TMEM132C: variants seen among roughly 807,000 people sequenced by gnomAD.
The protein encoded by TMEM132C is protein phosphatase 1, regulatory subunit 152.
Under a neutral mutation model 61.4 loss-of-function variants are expected in TMEM132C, and 29 were observed. That is an observed-to-expected ratio of 0.47 (90% CI 0.35 to 0.64). The LOEUF is 0.64. TMEM132C is among the 30% of genes least tolerant of loss of function. TMEM132C has a pLI of 0.00. For synonymous variants in TMEM132C, 656 were observed against 633.1 expected (o/e 1.04, Z -0.54); for missense variants, 1,408 against 1,476.9 (o/e 0.95, Z 0.76).
chr12:128,515,614 A>G (rs1310407036), intron 2 of TMEM132C, among the ~76,000 whole-genome samples: 1 of 152,192 alleles, frequency 6.6e-6, no homozygotes, highest in Non-Finnish European at 1.5e-5. Flanking sequence ...CGGGTGGATC[A>G]CGAGGTCAGG....
At chr12:128,371,828 C>T (rs1307036390) in intron 1 of TMEM132C, among the ~76,000 whole-genome samples, 1 of 152,212 alleles carries the variant, frequency 6.6e-6, no homozygotes, top group East Asian at 1.9e-4. Flanking sequence ...ATCCTCACTT[C>T]TCAGCCTCCC....
At chr12:128,347,941 A>G (rs1353940295) in intron 1 of TMEM132C, among the ~76,000 whole-genome samples, 1 of 152,172 alleles carries the variant, frequency 6.6e-6, no homozygotes, top group Non-Finnish European at 1.5e-5. Context: ...TTGCAATTCC[A>G]TGTGAGTTAT....
rs146002418 is a variant in TMEM132C at position 128,311,313 on chromosome 12, C to T, written c.85+43826C>T. 5.4e-3 allele frequency among the ~76,000 whole-genome samples: 825 copies of T among 152,330 alleles called. 7 individuals are homozygous for T. Among genetic ancestry groups the T allele is most frequent in the African/African-American group, 0.019 (775 of 41,574 alleles). On this transcript the variant is annotated intron_variant, in intron 1 of 8. Coordinates refer to ENST00000435159, the MANE Select transcript of TMEM132C (RefSeq NM_001136103.3). ...GATCCGAAGGTTGCACGCAGCCTCG[C>T]CTCACTTCTGTGACCGTACTCCTGG...
chr12:128,594,366 C>T (rs1746636307), intron 3 of TMEM132C, among the ~76,000 whole-genome samples: 1 of 151,770 alleles, frequency 6.6e-6, no homozygotes, highest in African/African-American at 2.4e-5. Flanking sequence ...CCCCTGCCCC[C>T]CAACCCCACA....
intron 1 of TMEM132C, among the ~76,000 whole-genome samples, chr12:128,290,852 A>C (rs1422507140): frequency 2.5e-4 from 38 of 151,418 alleles, no homozygotes; most frequent in South Asian, 1.3e-3. Context: ...ATTTAACAAA[A>C]AAAAAAAAAA....
At position 128,705,153 on chromosome 12, in the gene TMEM132C, G is replaced by C; in HGVS notation, c.2185G>C (p.Asp729His). ...CTCTGTGACGCCCCTGGACATCTAC[G>C]ACACCAAGGACTTCTCCCTGGCAGC... The part of the protein sequence containing the change: ...DGSVTPLDIY[D>H]TKDFSLAATS... The change falls in exon 9 of 9, where the codon GAC becomes CAC. Residue 729 changes from aspartate (D) to histidine (H), a missense_variant. Transcript: ENST00000435159. The C allele has an allele frequency of 6.4e-7, 1 of 1,551,444 alleles. No homozygotes were observed. The highest frequency in any genetic ancestry group is 1.2e-5 in the South Asian group (1 of 84,024).
At chr12:128,626,865 C>G (rs555117165) in intron 4 of TMEM132C, among the ~76,000 whole-genome samples, 1 of 152,282 alleles carries the variant, frequency 6.6e-6, no homozygotes, top group South Asian at 2.1e-4. Context: ...GAGATGCCCA[C>G]GACCCACACA....
chr12:128,521,460 C>T (rs1325664260), intron 2 of TMEM132C, among the ~76,000 whole-genome samples: 1 of 149,972 alleles, frequency 6.7e-6, no homozygotes, highest in Non-Finnish European at 1.5e-5. Context: ...CCCCAGCCCC[C>T]CACCCCCCAA....
At chr12:128,456,230 T>C (rs1870334715) in intron 2 of TMEM132C, among the ~76,000 whole-genome samples, 1 of 152,102 alleles carries the variant, frequency 6.6e-6, no homozygotes, top group African/African-American at 2.4e-5. Flanking sequence ...AAAGACTAAA[T>C]CTGAGACCCG....
In TMEM132C at chr12:128,695,845, CGAGGAT is replaced by C. The variant is rs1954756992; in HGVS notation, c.1677_1682del (p.Asp561_Glu562del). 3.6e-5 allele frequency: 56 copies of C among 1,546,930 alleles called. No homozygotes were observed. The highest frequency in any genetic ancestry group is 4.8e-5 in the Non-Finnish European group (55 of 1,144,268). ...TTCCCACAAGGCCCACTCGTGAGAGCGAGGATGAGGACGAGGAGGAGCGGCGGGGCC... is the reference window on the plus strand; with the variant it reads ...TTCCCACAAGGCCCACTCGTGAGAGCGAGGACGAGGAGGAGCGGCGGGGCC... On this transcript the variant is annotated inframe_deletion, in exon 7 of 9. Coordinates refer to ENST00000435159, the MANE Select transcript of TMEM132C (RefSeq NM_001136103.3).
intron 1 of TMEM132C, among the ~76,000 whole-genome samples, chr12:128,324,786 C>CCACT (rs1872450814): frequency 6.6e-6 from 1 of 152,048 alleles, no homozygotes; most frequent in African/African-American, 2.4e-5. Flanking sequence ...CATGATTGTA[C>CCACT]CACTGCAGCC....
intron 1 of TMEM132C, among the ~76,000 whole-genome samples, 197 bp downstream of exon 1, chr12:128,267,684 G>A (rs1360537744): frequency 1.3e-5 from 2 of 152,184 alleles, no homozygotes; most frequent in Non-Finnish European, 2.9e-5. Flanking sequence ...CGGGATCCGG[G>A]CAAGTTAGGC....
At chr12:128,295,331 C>T (rs1385725686) in intron 1 of TMEM132C, among the ~76,000 whole-genome samples, 1 of 152,122 alleles carries the variant, frequency 6.6e-6, no homozygotes, top group African/African-American at 2.4e-5. Context: ...GTCAACACAC[C>T]CAGTCCCAAA....
rs141840425 is a variant in TMEM132C, at chr12:128,393,311, A to G, written c.86-21421A>G. 1.7e-3 allele frequency among the ~76,000 whole-genome samples: 262 copies of G among 152,264 alleles called. 1 individual carries two copies. In the South Asian group the frequency reaches 0.022, roughly 13 times the overall value. On this transcript the variant is annotated intron_variant, in intron 1 of 8. Coordinates refer to ENST00000435159, the MANE Select transcript of TMEM132C (RefSeq NM_001136103.3). ...TCTCTCCCCACTTTCAGAATTCCCA[A>G]CTTCATGGGACCCTTGCCAGTCAGA...
At chr12:128,338,168 C>T (rs911931983) in intron 1 of TMEM132C, among the ~76,000 whole-genome samples, 2 of 151,878 alleles carry the variant, frequency 1.3e-5, no homozygotes, top group South Asian at 2.1e-4. Flanking sequence ...AAGGACCAGA[C>T]GTAAAGTTGT....
chr12:128,643,620 A>AT (rs551874171), intron 4 of TMEM132C, among the ~76,000 whole-genome samples: 136 of 152,302 alleles, frequency 8.9e-4, no homozygotes, highest in African/African-American at 3.1e-3. Context: ...TTAAAAATCC[A>AT]TTTTTACAGG....
intron 2 of TMEM132C, among the ~76,000 whole-genome samples, chr12:128,503,182 A>G (rs1398878778): frequency 6.6e-6 from 1 of 152,242 alleles, no homozygotes; most frequent in Non-Finnish European, 1.5e-5. Context: ...GTTGTAGACT[A>G]TCATTGACCT....
chr12:128,498,374 A>G (rs987891029), intron 2 of TMEM132C, among the ~76,000 whole-genome samples: 1 of 130,534 alleles, frequency 7.7e-6, no homozygotes, highest in African/African-American at 2.7e-5. Flanking sequence ...GATGTTCTAT[A>G]TAAAAAAAAA....
Position 128,706,208 on chromosome 12 carries a change from G to A in TMEM132C, c.3240G>A (p.Glu1080=), listed in dbSNP as rs1954839197. The A allele has an allele frequency of 1.9e-6, 3 of 1,551,780 alleles. No individual in the cohort carries two copies. The highest frequency in any genetic ancestry group is 2.6e-6 in the Non-Finnish European group (3 of 1,147,010). The change falls in exon 9 of 9, where the codon GAG becomes GAA. Residue 1080 remains glutamate, a synonymous_variant. Transcript: ENST00000435159. The part of the protein sequence containing the change: ...TVNSIVSSND[E]DIKWVCQDVA... ...ACTCCATCGTCAGCAGCAATGATGA[G>A]GACATCAAATGGGTGTGTCAAGACG... is the stretch of plus-strand genomic sequence containing the variant.
Sources: gnomAD v4.1 joint callset for allele counts (sites outside exome capture counted in the v4.1 genomes callset) on GRCh38, gnomAD v4.1.1 for gene constraint, MANE v1.5 for transcripts, NCBI Gene and HGNC (gene_info 2026-07-23, HGNC 2026-07-21) for gene names.